Variants in TMEM181 observed in about 807,000 individuals in gnomAD.
The protein encoded by TMEM181 is transmembrane protein 181.
TMEM181 carries 39 observed loss-of-function variants against 71.9 expected under a neutral mutation model. That is an observed-to-expected ratio of 0.54 (90% CI 0.42 to 0.71). The LOEUF is 0.71. Ranked by LOEUF, TMEM181 falls within the 30% of genes least tolerant of loss-of-function variation. The pLI, the probability that TMEM181 is intolerant of heterozygous loss-of-function variation, is 0.00. For synonymous variants in TMEM181, 245 were observed against 228.8 expected (o/e 1.07, Z -0.64); for missense variants, 595 against 583.0 (o/e 1.02, Z -0.21).
intron 1 of TMEM181, among the ~76,000 whole-genome samples, chr6:158,560,464 G>A (rs1225809308): frequency 6.6e-6 from 1 of 152,180 alleles, no homozygotes; most frequent in Non-Finnish European, 1.5e-5. Context: ...CCCGGCCGCG[G>A]TTAGAGACCG....
chr6:158,600,226 T>G (rs1215018386), intron 6 of TMEM181, among the ~76,000 whole-genome samples: 1 of 152,208 alleles, frequency 6.6e-6, no homozygotes, highest in African/African-American at 2.4e-5. Flanking sequence ...TGGAATGCAG[T>G]GCGATCTTGG....
intron 12 of TMEM181, 97 bp from the exon 13 acceptor site, chr6:158,625,606 C>T (rs1786229274): frequency 1.8e-6 from 2 of 1,136,190 alleles, no homozygotes; most frequent in Non-Finnish European, 2.5e-6. Context: ...GAGCATTTGT[C>T]CAAAGAGCTT....
chr6:158,571,765 G>A (rs915272080), intron 1 of TMEM181, among the ~76,000 whole-genome samples: 10 of 152,218 alleles, frequency 6.6e-5, no homozygotes, highest in Admixed American at 2.6e-4. Context: ...CTGCAGCGCC[G>A]TCCCAGAGCA....
Position 158,585,439 on chromosome 6 carries a change from G to C in TMEM181, c.381+14G>C. The C allele has an allele frequency of 6.4e-7, 1 of 1,571,460 alleles. No individual in the cohort carries two copies. The highest frequency in any genetic ancestry group is 2.0e-5 in the Admixed American group (1 of 50,818). The stretch of plus-strand genomic sequence containing the variant: ...ACATGTGCAGGGGTGAGTGTGTGGG[G>C]TGAGCCCCACAGTCAGTCCTCAGGC... On this transcript the variant is annotated intron_variant, in intron 5 of 16. Coordinates refer to ENST00000684151, the MANE Select transcript of TMEM181 (RefSeq NM_001376852.1).
At chr6:158,594,168 A>G (rs1784266183) in intron 6 of TMEM181, among the ~76,000 whole-genome samples, 1 of 140,662 alleles carries the variant, frequency 7.1e-6, no homozygotes, top group Non-Finnish European at 1.5e-5. Flanking sequence ...GTGAGATCTC[A>G]GCTCACTGCA....
intron 1 of TMEM181, among the ~76,000 whole-genome samples, chr6:158,537,340 G>A (rs1007009170): frequency 3.3e-5 from 5 of 152,224 alleles, no homozygotes; most frequent in South Asian, 2.1e-4. Flanking sequence ...GGCTTTGCAG[G>A]ACGCCTCGGA....
chr6:158,538,599 T>C (rs1781223314), intron 1 of TMEM181, among the ~76,000 whole-genome samples: 1 of 152,222 alleles, frequency 6.6e-6, no homozygotes, highest in Non-Finnish European at 1.5e-5. Context: ...GACCAATGTA[T>C]TCACCTGGTA....
At chr6:158,594,379 G>A (rs974176937) in intron 6 of TMEM181, among the ~76,000 whole-genome samples, 3 of 152,040 alleles carry the variant, frequency 2.0e-5, no homozygotes, top group East Asian at 1.9e-4. Flanking sequence ...GATTACATGC[G>A]TGAGCCACTG....
At chr6:158,559,941 C>T (rs138314588), upstream of TMEM181, 279 of 519,096 alleles carry the variant, frequency 5.4e-4, no homozygotes, top group African/African-American at 5.5e-3. Context: ...AGCCTGGGTG[C>T]TCCCGGCCGT....
intron 6 of TMEM181, among the ~76,000 whole-genome samples, chr6:158,602,632 A>G (rs1458520152): frequency 6.0e-5 from 9 of 149,958 alleles, no homozygotes; most frequent in Non-Finnish European, 1.2e-4. Flanking sequence ...TTTTTTTGAG[A>G]TGGGACCTTG....
At chr6:158,631,430 T>A (rs779613538) in intron 16 of TMEM181, 41 bp downstream of exon 16, 3 of 1,597,688 alleles carry the variant, frequency 1.9e-6, no homozygotes, top group Non-Finnish European at 2.6e-6. Flanking sequence ...ACCTTGGGCA[T>A]CCCGGCACGG....
chr6:158,631,594 G>T (rs190023978), intron 16 of TMEM181, among the ~76,000 whole-genome samples: 1 of 152,204 alleles, frequency 6.6e-6, no homozygotes, highest in African/African-American at 2.4e-5. Flanking sequence ...CCTGTAGGGC[G>T]TGCTGGCCAC....
Position 158,634,034 on chromosome 6 carries a change from T to A in TMEM181, c.*2146T>A, listed in dbSNP as rs1786805077. On this transcript the variant is annotated 3_prime_UTR_variant, in exon 17 of 17. Coordinates refer to ENST00000684151, the MANE Select transcript of TMEM181 (RefSeq NM_001376852.1). ...TACACACACTAGAACTTTTTAAAAC[T>A]TTGTCCTATAGTGTAATTATAAACT... 6.6e-6 allele frequency: 1 copy of A among 152,254 alleles called. No homozygotes were observed. The highest frequency in any genetic ancestry group is 2.4e-5 in the African/African-American group (1 of 41,478). 9.4% of individuals were successfully genotyped at this position (152,254 alleles called of 1,614,324 possible). A position where few individuals can be genotyped will look rare whatever the true frequency, so the allele number is the denominator to read the frequency against.
intron 6 of TMEM181, among the ~76,000 whole-genome samples, chr6:158,602,519 C>T (rs972622939): frequency 2.0e-5 from 3 of 152,156 alleles, no homozygotes; most frequent in Non-Finnish European, 2.9e-5. Flanking sequence ...CTTCATATCC[C>T]GTCAATGCTC....
chr6:158,631,991 A>G lies in TMEM181; in HGVS notation c.*103A>G. The G allele has an allele frequency of 9.0e-7, 1 of 1,117,154 alleles. No homozygotes were observed. The highest frequency in any genetic ancestry group is 1.3e-6 in the Non-Finnish European group (1 of 776,974). The allele number at this position is 1,117,154 out of a possible 1,614,324, so 69.2% of individuals were successfully genotyped here. On this transcript the variant is annotated 3_prime_UTR_variant, in exon 17 of 17. Coordinates refer to ENST00000684151, the MANE Select transcript of TMEM181 (RefSeq NM_001376852.1). ...ATTCAGATTTTTCTTACAAGCAGAGATTTCCTGTTCATTTGTTTACATATT... is the reference window on the plus strand; with the variant it reads ...ATTCAGATTTTTCTTACAAGCAGAGGTTTCCTGTTCATTTGTTTACATATT...
At chr6:158,578,146 G>A (rs1437124053) in intron 2 of TMEM181, among the ~76,000 whole-genome samples, 1 of 152,132 alleles carries the variant, frequency 6.6e-6, no homozygotes, top group Admixed American at 6.5e-5. Flanking sequence ...AGAATCCTAC[G>A]TGTAGCAAAA....
At chr6:158,574,265 G>A (rs958783274) in intron 2 of TMEM181, among the ~76,000 whole-genome samples, 1 of 152,226 alleles carries the variant, frequency 6.6e-6, no homozygotes, top group African/African-American at 2.4e-5. Flanking sequence ...GCCTCAAAAG[G>A]TTAGTTTCTT....
intron 1 of TMEM181, among the ~76,000 whole-genome samples, chr6:158,548,620 G>T (rs1312071911): frequency 6.6e-6 from 1 of 152,168 alleles, no homozygotes; most frequent in African/African-American, 2.4e-5. Context: ...TGTTCCAAGG[G>T]ATGGTGTCCT....
chr6:158,564,830 A>G (rs1396208265), intron 1 of TMEM181, among the ~76,000 whole-genome samples: 3 of 152,224 alleles, frequency 2.0e-5, no homozygotes, highest in South Asian at 2.1e-4. Context: ...TTATTTTTAT[A>G]CAGATTGGAA....
Sources: allele counts gnomAD v4.1 joint callset (sites outside exome capture counted in the v4.1 genomes callset), GRCh38; gene constraint gnomAD v4.1.1; transcripts MANE v1.5; gene names NCBI Gene and HGNC (gene_info 2026-07-23, HGNC 2026-07-21).